The following ITGA4 variants were observed in gnomAD, a reference collection of about 807,000 sequenced individuals.
The protein encoded by ITGA4 is integrin subunit alpha 4.
ITGA4 carries 63 observed loss-of-function variants against 133.6 expected under a neutral mutation model. The observed-to-expected ratio is 0.47, with a 90% CI of 0.38 to 0.58. The LOEUF (loss-of-function observed/expected upper bound fraction) is 0.58, where lower values mean the gene tolerates loss of function less well. ITGA4 is among the 20% of genes least tolerant of loss of function. The probability of loss-of-function intolerance (pLI) is 0.00; values close to 1 mark genes in which losing one functional copy is unlikely to be tolerated. For missense variants in ITGA4, 1,076 were observed against 1,252.7 expected, an observed-to-expected ratio of 0.86 and a Z score of 2.13; for synonymous variants, 483 against 438.0, an observed-to-expected ratio of 1.10 and a Z score of -1.28.
chr2:181,525,435 G>C (rs1686814512), intron 21 of ITGA4, 144 bp downstream of exon 21: 1 of 565,650 alleles, frequency 1.8e-6, no homozygotes, highest in Non-Finnish European at 3.1e-6. Flanking sequence ...CATTGTTATA[G>C]TCCCTTACTT....
At chr2:181,526,168 G>C (rs1686827089) in intron 21 of ITGA4, among the ~76,000 whole-genome samples, 1 of 152,182 alleles carries the variant, frequency 6.6e-6, no homozygotes, top group African/African-American at 2.4e-5. Context: ...AGGAGAGTAA[G>C]ACCTAGAGAA....
At chr2:181,490,160 C>T (rs575413511) in intron 10 of ITGA4, among the ~76,000 whole-genome samples, 2 of 152,260 alleles carry the variant, frequency 1.3e-5, no homozygotes, top group South Asian at 2.1e-4. Flanking sequence ...AGGTCGGGGT[C>T]GATCTATAAC....
At chr2:181,518,166 C>T (rs375944969) in intron 17 of ITGA4, among the ~76,000 whole-genome samples, 29 of 152,154 alleles carry the variant, frequency 1.9e-4, no homozygotes, top group Non-Finnish European at 2.4e-4. Context: ...AACACAGGCA[C>T]GAGTAAATCA....
rs1252739918 is a variant in ITGA4 at position 181,535,466 on chromosome 2, T to A, written c.3038T>A (p.Leu1013Gln). Residue 1013 changes from leucine to glutamine, a missense_variant, in exon 28 of 28, where the codon CTA (leucine) becomes CAA (glutamine). Physicochemically the swap from Leu to Gln is moderately radical, Grantham distance 113. This residue lies in a region of ITGA4 where 193 missense variants were observed against 172.3 expected (regional missense o/e 1.12). Transcript: ENST00000397033. ...GFFKRQYKSI[L>Q]QEENRRDSWS... Reference sequence around the variant, plus strand: ...TTTAAAAGACAATACAAATCTATCCTACAAGAAGAAAACAGAAGAGACAGT... The same window carrying A: ...TTTAAAAGACAATACAAATCTATCCAACAAGAAGAAAACAGAAGAGACAGT... 1 of 1,609,758 alleles carries A rather than the reference T, an allele frequency of 6.2e-7. No homozygotes were observed. The highest frequency in any genetic ancestry group is 1.3e-5 in the African/African-American group (1 of 74,672).
chr2:181,475,889 A>T (rs777315553), intron 4 of ITGA4: 21 of 1,573,124 alleles, frequency 1.3e-5, no homozygotes, highest in Admixed American at 1.1e-4. Flanking sequence ...TCAACAGAGC[A>T]TGTCAGAGGA....
At chr2:181,470,281 A>AT (rs1345104859) in intron 2 of ITGA4, among the ~76,000 whole-genome samples, 1 of 151,704 alleles carries the variant, frequency 6.6e-6, no homozygotes, top group African/African-American at 2.4e-5. Flanking sequence ...AAAATATGAG[A>AT]TTTTCTTGCA....
At chr2:181,463,725 A>G (rs575366114) in intron 2 of ITGA4, among the ~76,000 whole-genome samples, 39 of 152,116 alleles carry the variant, frequency 2.6e-4, no homozygotes, top group Non-Finnish European at 5.0e-4. Context: ...GATCAGTTCT[A>G]TGATCAGTTC....
intron 10 of ITGA4, among the ~76,000 whole-genome samples, chr2:181,490,362 G>A (rs1393650423): frequency 6.6e-6 from 1 of 152,082 alleles, no homozygotes; most frequent in East Asian, 1.9e-4. Context: ...GTAAGAGCAT[G>A]TGTTATTTTA....
intron 10 of ITGA4, chr2:181,486,428 G>T (rs1296631889): frequency 6.5e-6 from 1 of 153,018 alleles, no homozygotes; most frequent in Non-Finnish European, 1.5e-5. Context: ...AAACCCAACA[G>T]AGGCTGGCTG....
At chr2:181,490,756 GTATT>G (rs539297354) in intron 10 of ITGA4, among the ~76,000 whole-genome samples, 115 of 152,242 alleles carry the variant, frequency 7.6e-4, no homozygotes, top group African/African-American at 2.5e-3. Context: ...TGGAGTCAGA[GTATT>G]TATTTAATAT....
intron 17 of ITGA4, among the ~76,000 whole-genome samples, chr2:181,512,685 C>T (rs945582024): frequency 2.0e-5 from 3 of 151,842 alleles, no homozygotes; most frequent in East Asian, 1.9e-4. Context: ...GATCAGATAA[C>T]GTAATGTCTA....
At chr2:181,533,545 T>C (rs1686990329) in intron 25 of ITGA4, among the ~76,000 whole-genome samples, 1 of 152,104 alleles carries the variant, frequency 6.6e-6, no homozygotes, top group African/African-American at 2.4e-5. Flanking sequence ...ATACGCTCAC[T>C]GCTGGTAGTA....
chr2:181,469,977 A>G (rs983128339), intron 2 of ITGA4, among the ~76,000 whole-genome samples: 3 of 152,124 alleles, frequency 2.0e-5, no homozygotes, highest in South Asian at 2.1e-4. Context: ...TGACGAGTTA[A>G]TGGGTACAGG....
Position 181,458,272 on chromosome 2 carries a change from A to G in ITGA4, c.274A>G (p.Arg92Gly). The change falls in exon 2 of 28, where the codon AGG becomes GGG. Residue 92 changes from arginine (R) to glycine (G), a missense_variant. Arg to Gly is a moderately radical substitution (Grantham distance 125). Transcript: ENST00000397033. ...VINPGAIYRC[R>G]IGKNPGQTCE... ...CAATCCCGGGGCGATTTACAGATGC[A>G]GGATCGGAAAGAATCCCGGCCAGAC... 6.2e-7 allele frequency: 1 copy of G among 1,613,040 alleles called. No homozygotes were observed.
In ITGA4 at chr2:181,457,694, G is replaced by A; in HGVS notation, c.40G>A (p.Ala14Thr). 1.2e-6 allele frequency: 2 copies of A among 1,611,746 alleles called. No individual in the cohort carries two copies. Reference sequence around the variant, plus strand: ...GAGGCGCGAACCCGGCCCCCGAAGGGCCGCCGTCCGGGAGACGGTGATGCT... The same window carrying A: ...GAGGCGCGAACCCGGCCCCCGAAGGACCGCCGTCCGGGAGACGGTGATGCT... The part of the protein sequence containing the change: ...EARREPGPRR[A>T]AVRETVMLLL... Residue 14 changes from alanine (A) to threonine (T), a missense_variant, in exon 1 of 28, where the codon GCC becomes ACC. Coordinates refer to ENST00000397033, the MANE Select transcript of ITGA4 (RefSeq NM_000885.6).
intron 25 of ITGA4, among the ~76,000 whole-genome samples, chr2:181,533,605 G>A (rs1443265342): frequency 1.3e-5 from 2 of 152,108 alleles, no homozygotes; most frequent in African/African-American, 4.8e-5. Context: ...ATTCCTGACT[G>A]TCCCTTAGGT....
chr2:181,512,328 T>C (rs1050241503), intron 17 of ITGA4, among the ~76,000 whole-genome samples: 1 of 151,926 alleles, frequency 6.6e-6, no homozygotes, highest in Non-Finnish European at 1.5e-5. Flanking sequence ...TTTTGGGAGA[T>C]TGGGATATAA....
In ITGA4 at chr2:181,523,324, A is replaced by G; in HGVS notation, c.2074-113A>G. ...CATATAAATAGAAAATAGTTTTCCT[A>G]GAAAAGCAAATACTTCTGGGATGAT... is the stretch of plus-strand genomic sequence containing the variant. On this transcript the variant is annotated intron_variant, in intron 18 of 27. Transcript: ENST00000397033. The surrounding 1 kb of genome is among the most constrained non-coding windows in gnomAD (Gnocchi z 4.2). The G allele has an allele frequency of 1.6e-6, 1 of 632,290 alleles. No individual in the cohort carries two copies. 39.2% of individuals were successfully genotyped at this position (632,290 alleles called of 1,614,324 possible). A position where few individuals can be genotyped will look rare whatever the true frequency, so the allele number is the denominator to read the frequency against.
At chr2:181,505,634 A>G (rs1686377639) in intron 15 of ITGA4, among the ~76,000 whole-genome samples, 3 of 152,082 alleles carry the variant, frequency 2.0e-5, no homozygotes, top group African/African-American at 7.2e-5. Flanking sequence ...CCTTAGGTGG[A>G]GCTGTTAAAG....
Sources: allele counts gnomAD v4.1 joint callset (sites outside exome capture counted in the v4.1 genomes callset), GRCh38; gene constraint gnomAD v4.1.1; regional missense constraint gnomAD v4.1.1; non-coding constraint Gnocchi (gnomAD v3.1); transcripts MANE v1.5; gene names NCBI Gene and HGNC (gene_info 2026-07-23, HGNC 2026-07-21).